OSTM1: variants seen among roughly 807,000 people sequenced by gnomAD.
OSTM1 encodes osteopetrosis-associated transmembrane protein 1.
A neutral mutation model predicts 35.4 loss-of-function variants in OSTM1; 26 were observed. That is an observed-to-expected ratio of 0.73 (90% CI 0.54 to 1.02). The LOEUF is 1.02. Ranked by LOEUF, OSTM1 falls within the 50% of genes least tolerant of loss-of-function variation. The pLI, the probability that OSTM1 is intolerant of heterozygous loss-of-function variation, is 0.00. For synonymous variants in OSTM1, 181 were observed against 165.0 expected (o/e 1.10, Z -0.75); for missense variants, 366 against 409.6 (o/e 0.89, Z 0.92).
Position 108,054,377 on chromosome 6 carries a change from T to C in OSTM1, c.615+113A>G, listed in dbSNP as rs10484902. On this transcript the variant is annotated intron_variant, in intron 3 of 5. Coordinates refer to ENST00000193322, the MANE Select transcript of OSTM1 (RefSeq NM_014028.4). Reference sequence around the variant, plus strand: ...CAGAAATCCAGGTCCACTAACTCCTTTACATCATGAATTTAGATAAATATC... The same window carrying C: ...CAGAAATCCAGGTCCACTAACTCCTCTACATCATGAATTTAGATAAATATC... 122,061 of 541,322 alleles carry C rather than the reference T, an allele frequency of 0.23. 14,342 individuals carry two copies. The highest frequency in any genetic ancestry group is 0.25 in the Admixed American group (7,967 of 31,956). The allele number at this position is 541,322 out of a possible 1,614,324, so 33.5% of individuals were successfully genotyped here. A position where few individuals can be genotyped will look rare whatever the true frequency, so the allele number is the denominator to read the frequency against.
Position 108,067,828 on chromosome 6 carries a change from T to TAAAAAA in OSTM1, c.403-3535_403-3530dup, listed in dbSNP as rs60932026. 2.7e-3 allele frequency among the ~76,000 whole-genome samples: 213 copies of TAAAAAA among 77,754 alleles called. 3 individuals carry two copies. Among genetic ancestry groups the TAAAAAA allele is most frequent in the Non-Finnish European group, 4.1e-3 (160 of 39,362 alleles). The allele number at this position is 77,754 out of a possible 152,430, so 51.0% of individuals were successfully genotyped here. On this transcript the variant is annotated intron_variant, in intron 1 of 5. Coordinates refer to ENST00000193322, the MANE Select transcript of OSTM1 (RefSeq NM_014028.4). ...TTGGTTGACAGAGCGAGCCTCTGTC[T>TAAAAAA]AAAAAAAAAAAAAAAAAAAAAAATA...
intron 3 of OSTM1, among the ~76,000 whole-genome samples, 170 bp from the exon 4 acceptor site, chr6:108,051,368 T>C (rs1049752513): frequency 2.0e-5 from 3 of 152,320 alleles, no homozygotes; most frequent in African/African-American, 7.2e-5. Flanking sequence ...TTTTATCATC[T>C]ATAAAATAAA....
chr6:108,048,302 T>C (rs1012216133), intron 5 of OSTM1, among the ~76,000 whole-genome samples: 4 of 152,246 alleles, frequency 2.6e-5, no homozygotes, highest in Non-Finnish European at 5.9e-5. Flanking sequence ...CAGTTCTCTT[T>C]TTTAAAAACT....
At position 108,044,754 on chromosome 6, in the gene OSTM1, CG is replaced by C. The variant is rs780743548; in HGVS notation, c.*30del. ...AGTTGTGTCTTCCACCATTCATTCA[CG>C]TGATATGTCAATTCTCCATTTTGTA... On this transcript the variant is annotated 3_prime_UTR_variant, in exon 6 of 6. Coordinates refer to ENST00000193322, the MANE Select transcript of OSTM1 (RefSeq NM_014028.4). 3 of 1,296,446 alleles carry C rather than the reference CG, an allele frequency of 2.3e-6. No individual in the cohort carries two copies. In the East Asian group the frequency reaches 7.0e-5, roughly 30 times the overall value. The allele number at this position is 1,296,446 out of a possible 1,614,324, so 80.3% of individuals were successfully genotyped here. A position where few individuals can be genotyped will look rare whatever the true frequency, so the allele number is the denominator to read the frequency against.
Position 108,074,697 on chromosome 6 carries a change from C to A in OSTM1, c.-46G>T. The A allele has an allele frequency of 6.7e-7, 1 of 1,485,618 alleles. No homozygotes were observed. Among genetic ancestry groups the A allele is most frequent in the Non-Finnish European group, 8.9e-7 (1 of 1,124,950 alleles). The allele number at this position is 1,485,618 out of a possible 1,614,324, so 92.0% of individuals were successfully genotyped here. On this transcript the variant is annotated 5_prime_UTR_variant, in exon 1 of 6. Transcript: ENST00000193322. Reference sequence around the variant, plus strand: ...GGGAGCCCACCGCCGCCTCTCCGCCCCCAGCCGGCACCGCGGACAGCCGCC... The same window carrying A: ...GGGAGCCCACCGCCGCCTCTCCGCCACCAGCCGGCACCGCGGACAGCCGCC...
rs1035853952 is a variant in OSTM1 at position 108,074,446 on chromosome 6, C to G, written c.206G>C (p.Gly69Ala). 18 of 1,557,728 alleles carry G rather than the reference C, an allele frequency of 1.2e-5. No individual in the cohort carries two copies. The African/African-American group carries it at 2.0e-4, about 18-fold the overall frequency. Residue 69 changes from glycine to alanine, a missense_variant, in exon 1 of 6, where the codon GGG becomes GCG. Gly to Ala is a moderately conservative substitution (Grantham distance 60). Transcript: ENST00000193322. ...CAGGTCCGGGGGCAGCGACAGAGGC[C>G]CCAGCCCTCCACCCTGCAGGAGGGA... ...SLSLLQGGGL[G>A]PLSLPPDLPD... is the part of the protein sequence containing the mutation.
rs201176284 is a variant in OSTM1, at chr6:108,074,509, G to C, written c.143C>G (p.Ser48Trp). 2.1e-4 allele frequency: 324 copies of C among 1,558,812 alleles called. 1 individual carries two copies. The African/African-American group carries it at 3.8e-3, about 18-fold the overall frequency. ...CTCCACCTCCAGCAACTGCTGCTCC[G>C]ACAGGAGGTCGTGGAAGACCCTGTG... is the stretch of plus-strand genomic sequence containing the variant. ...SPHRVFHDLLSEQQLLEVEDL... is the reference protein window; with the variant it reads ...SPHRVFHDLLWEQQLLEVEDL... Residue 48 changes from serine to tryptophan, a missense_variant, in exon 1 of 6, where the codon TCG becomes TGG. Ser to Trp is a radical substitution (Grantham distance 177). Coordinates refer to ENST00000193322, the MANE Select transcript of OSTM1 (RefSeq NM_014028.4).
chr6:108,073,616 A>T (rs1772526376), intron 1 of OSTM1: 2 of 152,422 alleles, frequency 1.3e-5, no homozygotes, highest in Non-Finnish European at 2.9e-5. Context: ...GGCACAGAGA[A>T]TGTAAGTAAC....
chr6:108,049,148 G>T, intron 5 of OSTM1, 105 bp downstream of exon 5: 1 of 743,900 alleles, frequency 1.3e-6, no homozygotes, highest in Non-Finnish European at 2.3e-6. Context: ...GTCCTTTTAG[G>T]CTAATCTACT....
intron 4 of OSTM1, chr6:108,049,754 TTTA>T (rs1174974511): frequency 4.5e-6 from 1 of 221,672 alleles, no homozygotes; most frequent in Non-Finnish European, 9.0e-6. Context: ...TTACAAAATA[TTTA>T]TTATTTATTG....
intron 5 of OSTM1, among the ~76,000 whole-genome samples, chr6:108,046,970 A>T (rs1257669628): frequency 6.6e-6 from 1 of 152,162 alleles, no homozygotes; most frequent in Non-Finnish European, 1.5e-5. Context: ...AAATCCCCAC[A>T]TCCTTTAAAA....
intron 5 of OSTM1, among the ~76,000 whole-genome samples, chr6:108,048,369 G>A (rs1021907631): frequency 2.0e-5 from 3 of 152,172 alleles, no homozygotes; most frequent in East Asian, 1.9e-4. Flanking sequence ...AGAAAGCCAC[G>A]TGACTTAGAA....
At chr6:108,055,313 ATTC>A (rs988746087) in intron 2 of OSTM1, among the ~76,000 whole-genome samples, 6 of 147,886 alleles carry the variant, frequency 4.1e-5, no homozygotes, top group Admixed American at 1.4e-4. Context: ...GGAATAATCT[ATTC>A]TTCTTTTTTT....
At chr6:108,058,613 A>G (rs111489904) in intron 2 of OSTM1, among the ~76,000 whole-genome samples, 5,761 of 152,086 alleles carry the variant, frequency 0.038, 303 homozygotes, top group African/African-American at 0.13. Context: ...CGTCTCAACT[A>G]AAAATACAAA....
chr6:108,052,324 T>C (rs1445987806), intron 3 of OSTM1, among the ~76,000 whole-genome samples: 1 of 151,804 alleles, frequency 6.6e-6, no homozygotes, highest in Non-Finnish European at 1.5e-5. Context: ...TCCCAGCTAC[T>C]TGGGAGGCTG....
intron 3 of OSTM1, among the ~76,000 whole-genome samples, chr6:108,053,881 T>G (rs1404520971): frequency 1.3e-5 from 2 of 152,230 alleles, no homozygotes; most frequent in Non-Finnish European, 2.9e-5. Context: ...GATTACTTAC[T>G]TGTTATGTAA....
chr6:108,063,464 C>G (rs1772321731), intron 2 of OSTM1, among the ~76,000 whole-genome samples: 1 of 152,184 alleles, frequency 6.6e-6, no homozygotes, highest in Non-Finnish European at 1.5e-5. Flanking sequence ...ATTTATGTGT[C>G]TGTCCTAGGC....
chr6:108,049,575 GA>G (rs1772041478), intron 4 of OSTM1, 157 bp from the exon 5 acceptor site: 79 of 1,432,712 alleles, frequency 5.5e-5, no homozygotes, highest in Non-Finnish European at 6.6e-5. Flanking sequence ...CTTCTGCCAG[GA>G]AAAAAACCTG....
chr6:108,042,414 C>CTTTTT lies in OSTM1; in HGVS notation c.*2366_*2370dup, dbSNP rs58798743. On this transcript the variant is annotated 3_prime_UTR_variant, in exon 6 of 6. Transcript: ENST00000193322. ...TAAGACAGACAGTACTTTCTTTTTT[C>CTTTTT]TTTTTTTTTTTTTTTTTTTGAGACA... 8 of 129,268 alleles carry CTTTTT rather than the reference C, an allele frequency of 6.2e-5. No individual in the cohort carries two copies. Among genetic ancestry groups the CTTTTT allele is most frequent in the African/African-American group, 1.5e-4 (5 of 34,226 alleles). The allele number at this position is 129,268 out of a possible 1,614,324, so 8.0% of individuals were successfully genotyped here.
Sources: gnomAD v4.1 joint callset for allele counts (sites outside exome capture counted in the v4.1 genomes callset) on GRCh38, gnomAD v4.1.1 for gene constraint, MANE v1.5 for transcripts, NCBI Gene and HGNC (gene_info 2026-07-23, HGNC 2026-07-21) for gene names.